Variants in ATXN7 observed in about 807,000 individuals in gnomAD.
ATXN7 encodes ataxin-7.
ATXN7 carries 12 observed loss-of-function variants against 70.5 expected under a neutral mutation model. The ratio of observed to expected loss-of-function variants is 0.17; its 90% CI spans 0.11 to 0.28. The LOEUF (loss-of-function observed/expected upper bound fraction) is 0.28, where lower values mean the gene tolerates loss of function less well. Ranked by LOEUF, ATXN7 falls within the 10% of genes least tolerant of loss-of-function variation. The pLI is 1.00. For missense variants in ATXN7, 1,256 were observed against 1,131.7 expected (o/e 1.11, Z -1.58); for synonymous variants, 498 against 448.7 (o/e 1.11, Z -1.39).
intron 8 of ATXN7, among the ~76,000 whole-genome samples, chr3:63,985,033 T>C (rs987895229): frequency 1.3e-5 from 2 of 152,242 alleles, no homozygotes; most frequent in Non-Finnish European, 2.9e-5. Flanking sequence ...AGTCACCTGT[T>C]GACAGACATT....
chr3:63,991,875 G>A (rs1419122270), intron 11 of ATXN7, among the ~76,000 whole-genome samples: 1 of 152,104 alleles, frequency 6.6e-6, no homozygotes, highest in Non-Finnish European at 1.5e-5. Flanking sequence ...AGCCTTAATG[G>A]GCACTGTGCT....
intron 5 of ATXN7, among the ~76,000 whole-genome samples, chr3:63,953,250 A>G (rs2106662630): frequency 6.6e-6 from 1 of 152,326 alleles, no homozygotes; most frequent in South Asian, 2.1e-4. Context: ...GTTTAAAGAA[A>G]GCATCTTAGG....
intron 1 of ATXN7, among the ~76,000 whole-genome samples, chr3:63,893,928 G>A (rs1340460872): frequency 1.3e-5 from 2 of 152,206 alleles, no homozygotes; most frequent in Admixed American, 1.3e-4. Flanking sequence ...GGGGTCCAAA[G>A]AGAGGGAGTA....
intron 1 of ATXN7, among the ~76,000 whole-genome samples, chr3:63,895,224 C>G (rs968716304): frequency 6.6e-6 from 1 of 152,308 alleles, no homozygotes; most frequent in African/African-American, 2.4e-5. Flanking sequence ...TTTTGACACA[C>G]TGGATGACAT....
At chr3:63,979,398 C>T (rs2075447951) in intron 5 of ATXN7, among the ~76,000 whole-genome samples, 1 of 152,188 alleles carries the variant, frequency 6.6e-6, no homozygotes, top group South Asian at 2.1e-4. Flanking sequence ...ACCCTAGAAA[C>T]ATTCTTATTT....
At chr3:63,899,332 G>A (rs529332203) in intron 2 of ATXN7, among the ~76,000 whole-genome samples, 3 of 152,228 alleles carry the variant, frequency 2.0e-5, no homozygotes, top group Non-Finnish European at 4.4e-5. Context: ...AAAGTGGTGG[G>A]ATTTCAGGCA....
chr3:63,910,931 G>A (rs530256008), intron 2 of ATXN7, among the ~76,000 whole-genome samples: 2 of 152,084 alleles, frequency 1.3e-5, no homozygotes, highest in South Asian at 4.1e-4. Context: ...GGGTTGCAGT[G>A]ACATTTCTTT....
chr3:63,897,747 T>C (rs143709507), intron 1 of ATXN7, among the ~76,000 whole-genome samples: 1 of 152,342 alleles, frequency 6.6e-6, no homozygotes, highest in Admixed American at 6.5e-5. Flanking sequence ...CATGTGAGAT[T>C]TGAAGACCAG....
chr3:63,963,417 C>CT, intron 5 of ATXN7, among the ~76,000 whole-genome samples: 1 of 152,300 alleles, frequency 6.6e-6, no homozygotes, highest in Non-Finnish European at 1.5e-5. Flanking sequence ...TTCATTGGCT[C>CT]TTTCAACTTA....
chr3:63,997,715 C>A, intron 12 of ATXN7: 1 of 1,550,384 alleles, frequency 6.5e-7, no homozygotes, highest in Non-Finnish European at 8.7e-7. Flanking sequence ...GATTTTTTTT[C>A]CCCTTCCTCG....
At chr3:63,893,324 G>A (rs1235379644) in intron 1 of ATXN7, among the ~76,000 whole-genome samples, 1 of 152,110 alleles carries the variant, frequency 6.6e-6, no homozygotes, top group Non-Finnish European at 1.5e-5. Flanking sequence ...TTTAGCTAAT[G>A]GTGAAATGGT....
intron 5 of ATXN7, among the ~76,000 whole-genome samples, chr3:63,975,861 C>T (rs1420954804): frequency 3.3e-5 from 5 of 152,220 alleles, no homozygotes; most frequent in Non-Finnish European, 7.3e-5. Context: ...CCCAGCACAA[C>T]ACACACATAC....
chr3:63,957,384 G>C (rs1339832468), intron 5 of ATXN7, among the ~76,000 whole-genome samples: 4 of 152,178 alleles, frequency 2.6e-5, no homozygotes, highest in African/African-American at 4.8e-5. Context: ...AAGCAGGTTG[G>C]AGCAGCCACT....
chr3:63,941,283 T>C (rs2074762502), intron 4 of ATXN7, among the ~76,000 whole-genome samples: 1 of 151,696 alleles, frequency 6.6e-6, no homozygotes, highest in Non-Finnish European at 1.5e-5. Flanking sequence ...AGTCTGTCAG[T>C]GGCCTGTTAG....
At chr3:63,949,777 G>T (rs2074924853) in intron 4 of ATXN7, among the ~76,000 whole-genome samples, 1 of 152,144 alleles carries the variant, frequency 6.6e-6, no homozygotes. Context: ...GTGTGTGTGT[G>T]CATGCTTTTT....
chr3:63,936,528 C>G (rs993193077), intron 4 of ATXN7, among the ~76,000 whole-genome samples: 1 of 152,174 alleles, frequency 6.6e-6, no homozygotes, highest in Non-Finnish European at 1.5e-5. Flanking sequence ...GTTAGGTGGT[C>G]TTACGCTAGT....
At chr3:63,998,356 G>T (rs1455405590) in intron 12 of ATXN7, 8 of 985,018 alleles carry the variant, frequency 8.1e-6, no homozygotes, top group Non-Finnish European at 9.6e-6. Context: ...ATATGTGTGT[G>T]TGTATATATA....
At chr3:63,892,751 T>C (rs137963204) in intron 1 of ATXN7, among the ~76,000 whole-genome samples, 1 of 152,302 alleles carries the variant, frequency 6.6e-6, no homozygotes, top group East Asian at 1.9e-4. Flanking sequence ...TTCCATTTTA[T>C]CCAATTCAAT....
chr3:63,892,140 G>A (rs1278799836), intron 1 of ATXN7, among the ~76,000 whole-genome samples: 4 of 152,150 alleles, frequency 2.6e-5, no homozygotes, highest in Non-Finnish European at 5.9e-5. Flanking sequence ...GTGTTGATAA[G>A]TATGGCCTCA....
Sources: allele counts gnomAD v4.1 joint callset (sites outside exome capture counted in the v4.1 genomes callset), GRCh38; gene constraint gnomAD v4.1.1; transcripts MANE v1.5; gene names NCBI Gene and HGNC (gene_info 2026-07-23, HGNC 2026-07-21).